SLC24A2: variants seen among roughly 807,000 people sequenced by gnomAD.
SLC24A2 encodes the protein solute carrier family 24 member 2.
A neutral mutation model predicts 62.0 loss-of-function variants in SLC24A2; 36 were observed. The observed-to-expected ratio is 0.58, with a 90% CI of 0.44 to 0.77. The LOEUF is 0.77. SLC24A2 is among the 30% of genes least tolerant of loss of function. The pLI is 0.00. For synonymous variants in SLC24A2, 358 were observed against 294.0 expected, an observed-to-expected ratio of 1.22 and a Z score of -2.23; for missense variants, 846 against 817.9, an observed-to-expected ratio of 1.03 and a Z score of -0.42.
chr9:19,904,124 A>G, the SLC24A2 span, among the ~76,000 whole-genome samples: 2 of 152,216 alleles, frequency 1.3e-5, no homozygotes, highest in Non-Finnish European at 2.9e-5. Flanking sequence ...TCCTTGAAGT[A>G]TGTGCAAGGA....
the SLC24A2 span, among the ~76,000 whole-genome samples, chr9:19,812,509 C>G: frequency 6.6e-6 from 1 of 152,086 alleles, no homozygotes; most frequent in South Asian, 2.1e-4. Context: ...CTAGAACTTT[C>G]ATTTGATTCT....
chr9:19,936,037 G>A, the SLC24A2 span, among the ~76,000 whole-genome samples: 2 of 152,034 alleles, frequency 1.3e-5, no homozygotes, highest in African/African-American at 2.4e-5. Flanking sequence ...TTGAGTATGA[G>A]GGTACATGTC....
At chr9:20,077,294 G>A in the SLC24A2 span, among the ~76,000 whole-genome samples, 1 of 151,968 alleles carries the variant, frequency 6.6e-6, no homozygotes, top group South Asian at 2.1e-4. Flanking sequence ...AGCTGCTCTT[G>A]CCAAAAAACA....
the SLC24A2 span, among the ~76,000 whole-genome samples, chr9:20,140,147 G>T: frequency 1.3e-5 from 2 of 152,182 alleles, no homozygotes; most frequent in Admixed American, 6.5e-5. Context: ...TGTTTGTTTA[G>T]AATTTAATTT....
chr9:20,226,940 G>A, the SLC24A2 span, among the ~76,000 whole-genome samples: 3 of 152,156 alleles, frequency 2.0e-5, no homozygotes, highest in African/African-American at 7.2e-5. Context: ...TCTGATTTGT[G>A]CTAACAGGGA....
intron 5 of SLC24A2, among the ~76,000 whole-genome samples, chr9:19,587,039 A>G (rs909600187): frequency 1.3e-5 from 2 of 152,134 alleles, no homozygotes; most frequent in Non-Finnish European, 2.9e-5. Flanking sequence ...ATTTAACCCA[A>G]CTACCTCCTA....
At chr9:20,093,993 A>G in the SLC24A2 span, among the ~76,000 whole-genome samples, 18,240 of 152,228 alleles carry the variant, frequency 0.12, 1,627 homozygotes, top group Admixed American at 0.31. Context: ...AAATAAAAAA[A>G]TAGTGTGGTC....
the SLC24A2 span, among the ~76,000 whole-genome samples, chr9:20,262,534 G>A: frequency 1.3e-5 from 2 of 152,212 alleles, no homozygotes; most frequent in African/African-American, 4.8e-5. Flanking sequence ...GCTAACCATA[G>A]CCCTGCTGCC....
At chr9:19,807,505 G>A in the SLC24A2 span, among the ~76,000 whole-genome samples, 1 of 152,172 alleles carries the variant, frequency 6.6e-6, no homozygotes. Flanking sequence ...GGTATATTTA[G>A]GAGAAAGGAT....
At chr9:19,539,721 C>T (rs1168407468) in intron 8 of SLC24A2, among the ~76,000 whole-genome samples, 4 of 31,014 alleles carry the variant, frequency 1.3e-4, no homozygotes, top group Non-Finnish European at 2.6e-4. Flanking sequence ...TCTATTAGGT[C>T]CGCTTGGTGC....
chr9:20,001,143 C>T, the SLC24A2 span, among the ~76,000 whole-genome samples: 1 of 152,206 alleles, frequency 6.6e-6, no homozygotes, highest in South Asian at 2.1e-4. Flanking sequence ...GGAGGATCAG[C>T]ACTTCGTTTC....
the SLC24A2 span, among the ~76,000 whole-genome samples, chr9:20,177,989 C>T: frequency 6.6e-6 from 1 of 152,016 alleles, no homozygotes; most frequent in African/African-American, 2.4e-5. Context: ...ACAATAATAC[C>T]TTAATTCAAG....
the SLC24A2 span, among the ~76,000 whole-genome samples, chr9:20,201,518 G>T: frequency 6.6e-6 from 1 of 152,182 alleles, no homozygotes; most frequent in Non-Finnish European, 1.5e-5. Context: ...AAGAAAGAAA[G>T]TGAGAGATTG....
the SLC24A2 span, among the ~76,000 whole-genome samples, chr9:20,098,137 G>A: frequency 1.3e-5 from 2 of 152,126 alleles, no homozygotes; most frequent in African/African-American, 4.8e-5. Context: ...AGTAGAGAAG[G>A]TTACTTAGCT....
the SLC24A2 span, among the ~76,000 whole-genome samples, chr9:19,860,544 T>C: frequency 6.6e-6 from 1 of 152,144 alleles, no homozygotes; most frequent in African/African-American, 2.4e-5. Flanking sequence ...CAAGATTCTT[T>C]CTGCTTGAGA....
the SLC24A2 span, among the ~76,000 whole-genome samples, chr9:20,222,811 A>C: frequency 2.6e-5 from 4 of 152,090 alleles, no homozygotes; most frequent in African/African-American, 4.8e-5. Flanking sequence ...TAGAATTATA[A>C]ATGATAAGGG....
chr9:20,097,880 C>G, the SLC24A2 span, among the ~76,000 whole-genome samples: 2 of 151,296 alleles, frequency 1.3e-5, no homozygotes, highest in Non-Finnish European at 2.9e-5. Context: ...GTAGCTGGGA[C>G]TACAGGCGCT....
chr9:19,962,259 T>G, the SLC24A2 span, among the ~76,000 whole-genome samples: 4 of 152,242 alleles, frequency 2.6e-5, no homozygotes, highest in South Asian at 2.1e-4. Flanking sequence ...CTGTTTTGGT[T>G]ACTGTAGCCT....
intron 2 of SLC24A2, among the ~76,000 whole-genome samples, chr9:19,760,841 C>A (rs1490922887): frequency 6.7e-6 from 1 of 148,194 alleles, no homozygotes; most frequent in African/African-American, 2.5e-5. Flanking sequence ...CATGTTCTCA[C>A]TCATAGGTGG....
Sources: allele counts gnomAD v4.1 joint callset (sites outside exome capture counted in the v4.1 genomes callset), GRCh38; gene constraint gnomAD v4.1.1; transcripts MANE v1.5; gene names NCBI Gene and HGNC (gene_info 2026-07-23, HGNC 2026-07-21).